Variants in SPATA31A1 observed in about 807,000 individuals in gnomAD.
SPATA31A1 encodes spermatogenesis-associated protein 31A1.
For synonymous variants in SPATA31A1, 194 were observed against 573.4 expected (o/e 0.34, Z 9.45); for missense variants, 579 against 1,476.3 (o/e 0.39, Z 9.96).
chr9:39,361,112 C>T lies in SPATA31A1; in HGVS notation c.3347C>T (p.Pro1116Leu). 1.9e-6 allele frequency: 3 copies of T among 1,611,140 alleles called. No homozygotes were observed. The highest frequency in any genetic ancestry group is 2.5e-6 in the Non-Finnish European group (3 of 1,179,702). Residue 1116 changes from proline to leucine, a missense_variant, in exon 4 of 4, where the codon CCC becomes CTC. Coordinates refer to ENST00000377647, the MANE Select transcript of SPATA31A1 (RefSeq NM_001085452.4). ...PIHKSEKSRK[P>L]NLEKHEERLE... ...CACAAGAGTGAGAAGTCTAGGAAGC[C>T]CAACTTAGAAAAACATGAAGAAAGG... is the stretch of plus-strand genomic sequence containing the variant.
In SPATA31A1 at chr9:39,360,569, C is replaced by T. The variant is rs1404309393; in HGVS notation, c.2804C>T (p.Thr935Ile). ...KPLTYSLTGS[T>I]QQSRSLGAQS... ...CTCACGTACAGCCTCACAGGCAGCA[C>T]CCAGCAGAGCAGGAGCTTAGGAGCC... The change falls in exon 4 of 4, where the codon ACC becomes ATC. Residue 935 changes from threonine (T) to isoleucine (I), a missense_variant. By Grantham distance (89) the Thr-to-Ile change is moderately conservative. Transcript: ENST00000377647. The T allele has an allele frequency of 5.1e-4, 811 of 1,589,584 alleles. 1 individual carries two copies. Among genetic ancestry groups the T allele is most frequent in the South Asian group, 4.7e-3 (394 of 84,086 alleles).
At chr9:39,357,649 G>C (rs569877711) in intron 2 of SPATA31A1, 109 bp from the exon 3 acceptor site, 77,705 of 1,580,682 alleles carry the variant, frequency 0.049, 2,461 homozygotes, top group Non-Finnish European at 0.058. Flanking sequence ...AGATGGGTGG[G>C]GCCCAGGGTC....
chr9:39,358,664 A>T lies in SPATA31A1; in HGVS notation c.899A>T (p.Asp300Val). Residue 300 changes from aspartate (D) to valine (V), a missense_variant, in exon 4 of 4, where the codon GAT becomes GTT. Transcript: ENST00000377647. ...GCCTTTAACTCATCAGTCCAGCAAG[A>T]TCATCTTTCCCGCCACCCACCAGAG... ...SCAFNSSVQQDHLSRHPPETY... is the reference protein window; with the variant it reads ...SCAFNSSVQQVHLSRHPPETY... The T allele has an allele frequency of 1.9e-6, 3 of 1,608,150 alleles. No homozygotes were observed. The highest frequency in any genetic ancestry group is 1.7e-6 in the Non-Finnish European group (2 of 1,179,716).
intron 3 of SPATA31A1, 103 bp downstream of exon 3, chr9:39,357,921 A>C: frequency 1.3e-6 from 2 of 1,569,916 alleles, no homozygotes; most frequent in South Asian, 2.3e-5. Context: ...GACCAGGGGT[A>C]CAGAGGATGG....
At position 39,361,086 on chromosome 9, in the gene SPATA31A1, T is replaced by C. The variant is rs373235625; in HGVS notation, c.3321T>C (p.Ile1107=). The stretch of plus-strand genomic sequence containing the variant: ...ACCAAAGGCCAATGTTTCCCCCTAT[T>C]CACAAGAGTGAGAAGTCTAGGAAGC... ...CKNQRPMFPP[I]HKSEKSRKPN... Residue 1107 remains isoleucine, a synonymous_variant, in exon 4 of 4, where the codon ATT becomes ATC. Coordinates refer to ENST00000377647, the MANE Select transcript of SPATA31A1 (RefSeq NM_001085452.4). 1.2e-5 allele frequency: 20 copies of C among 1,611,226 alleles called. No individual in the cohort carries two copies. The African/African-American group carries it at 2.7e-4, about 22-fold the overall frequency.
Position 39,357,614 on chromosome 9 carries a change from G to T in SPATA31A1, c.248-144G>T. On this transcript the variant is annotated intron_variant, in intron 2 of 3. Transcript: ENST00000377647. ...CTGTCCTCCATGCATTGCTATTAAC[G>T]TCGGGGTCATGTGGCTTTGGACACA... The T allele has an allele frequency of 2.0e-6, 3 of 1,520,850 alleles. No individual in the cohort carries two copies. The South Asian group carries it at 3.4e-5, about 17-fold the overall frequency. The allele number at this position is 1,520,850 out of a possible 1,614,324, so 94.2% of individuals were successfully genotyped here. A position where few individuals can be genotyped will look rare whatever the true frequency, so the allele number is the denominator to read the frequency against.
rs1288401981 is a variant in SPATA31A1, at chr9:39,361,309, C to G, written c.3544C>G (p.Pro1182Ala). ...GATTTTTTCAAAGAAAAAAAGCAAG[C>G]CAGCACCAGTCACTGCTGAGAGCCA... Reference protein sequence around the residue: ...QWIFSKKKSKPAPVTAESQKT... With the variant: ...QWIFSKKKSKAAPVTAESQKT... The change falls in exon 4 of 4, where the codon CCA becomes GCA. Residue 1182 changes from proline to alanine, a missense_variant. Coordinates refer to ENST00000377647, the MANE Select transcript of SPATA31A1 (RefSeq NM_001085452.4). 1 of 1,613,218 alleles carries G rather than the reference C, an allele frequency of 6.2e-7. No individual in the cohort carries two copies. The highest frequency in any genetic ancestry group is 8.5e-7 in the Non-Finnish European group (1 of 1,179,830).
At chr9:39,357,946 G>T (rs1823368815) in intron 3 of SPATA31A1, 128 bp downstream of exon 3, 3 of 1,597,680 alleles carry the variant, frequency 1.9e-6, no homozygotes, top group African/African-American at 2.7e-5. Context: ...AAAACCCTGG[G>T]GCGAGGGGTA....
chr9:39,359,308 C>G lies in SPATA31A1; in HGVS notation c.1543C>G (p.Pro515Ala). The G allele has an allele frequency of 1.9e-6, 3 of 1,605,862 alleles. No individual in the cohort carries two copies. Among genetic ancestry groups the G allele is most frequent in the Non-Finnish European group, 2.5e-6 (3 of 1,176,966 alleles). The part of the protein sequence containing the change: ...SSFPVLSPAF[P>A]SLIKNTGVAC... ...TTTCCCAGTCCTATCTCCTGCTTTT[C>G]CATCCCTGATTAAGAACACTGGAGT... The change falls in exon 4 of 4, where the codon CCA becomes GCA. Residue 515 changes from proline to alanine, a missense_variant. Transcript: ENST00000377647.
At chr9:39,357,613 C>G in intron 2 of SPATA31A1, 145 bp from the exon 3 acceptor site, 2 of 1,513,326 alleles carry the variant, frequency 1.3e-6, no homozygotes, top group Non-Finnish European at 1.8e-6. Context: ...TTGCTATTAA[C>G]GTCGGGGTCA....
At position 39,359,190 on chromosome 9, in the gene SPATA31A1, G is replaced by A. The variant is rs1326705951; in HGVS notation, c.1425G>A (p.Leu475=). The part of the protein sequence containing the change: ...LLFQAQPPSH[L]GPECQPFISS... Reference sequence around the variant, plus strand: ...TCCAGGCCCAGCCCCCGTCCCATCTGGGGCCCGAGTGCCAACCCTTTATTT... The same window carrying A: ...TCCAGGCCCAGCCCCCGTCCCATCTAGGGCCCGAGTGCCAACCCTTTATTT... The change falls in exon 4 of 4, where the codon CTG becomes CTA. Residue 475 remains leucine (L), a synonymous_variant. Coordinates refer to ENST00000377647, the MANE Select transcript of SPATA31A1 (RefSeq NM_001085452.4). The A allele has an allele frequency of 1.2e-5, 19 of 1,611,716 alleles. No homozygotes were observed. The East Asian group carries it at 2.2e-4, about 19-fold the overall frequency.
At position 39,359,148 on chromosome 9, in the gene SPATA31A1, A is replaced by G; in HGVS notation, c.1383A>G (p.Thr461=). Residue 461 remains threonine, a synonymous_variant, in exon 4 of 4, where the codon ACA becomes ACG. Transcript: ENST00000377647. The part of the protein sequence containing the change: ...SNVCPIQRET[T]MSPLLFQAQP... ...TCTGCCCAATTCAAAGGGAGACTAC[A>G]ATGTCCCCACTGCTTTTCCAGGCCC... The G allele has an allele frequency of 6.2e-7, 1 of 1,611,564 alleles. No homozygotes were observed. The highest frequency in any genetic ancestry group is 8.5e-7 in the Non-Finnish European group (1 of 1,179,828).
In SPATA31A1 at chr9:39,361,762, C is replaced by A. The variant is rs1403833273; in HGVS notation, c.3997C>A (p.His1333Asn). The change falls in exon 4 of 4, where the codon CAC becomes AAC. Residue 1333 changes from histidine to asparagine, a missense_variant. Coordinates refer to ENST00000377647, the MANE Select transcript of SPATA31A1 (RefSeq NM_001085452.4). ...HWPKTSGASS[H>N]HHHCPRHCLL... Reference sequence around the variant, plus strand: ...GCCGAAGACATCCGGTGCCTCTAGCCACCATCACCACTGTCCAAGGCACTG... The same window carrying A: ...GCCGAAGACATCCGGTGCCTCTAGCAACCATCACCACTGTCCAAGGCACTG... 6.2e-7 allele frequency: 1 copy of A among 1,612,186 alleles called. No individual in the cohort carries two copies. The highest frequency in any genetic ancestry group is 8.5e-7 in the Non-Finnish European group (1 of 1,179,806).
In SPATA31A1 at chr9:39,361,733, A is replaced by G. The variant is rs1823474223; in HGVS notation, c.3968A>G (p.His1323Arg). 1 of 1,612,366 alleles carries G rather than the reference A, an allele frequency of 6.2e-7. No individual in the cohort carries two copies. Among genetic ancestry groups the G allele is most frequent in the African/African-American group, 1.3e-5 (1 of 74,588 alleles). The change falls in exon 4 of 4, where the codon CAC (histidine) becomes CGC (arginine). Residue 1323 changes from histidine (H) to arginine (R), a missense_variant. Coordinates refer to ENST00000377647, the MANE Select transcript of SPATA31A1 (RefSeq NM_001085452.4). ...GTATCCCCAGTCAGTCCCCTTCAGC[A>G]CTGGCCGAAGACATCCGGTGCCTCT... is the stretch of plus-strand genomic sequence containing the variant. The part of the protein sequence containing the change: ...KAVSPVSPLQ[H>R]WPKTSGASSH...
chr9:39,361,740 G>A lies in SPATA31A1; in HGVS notation c.3975G>A (p.Pro1325=), dbSNP rs1488405066. The stretch of plus-strand genomic sequence containing the variant: ...CAGTCAGTCCCCTTCAGCACTGGCC[G>A]AAGACATCCGGTGCCTCTAGCCACC... ...VSPVSPLQHW[P]KTSGASSHHH... Residue 1325 remains proline, a synonymous_variant, in exon 4 of 4, where the codon CCG becomes CCA. Coordinates refer to ENST00000377647, the MANE Select transcript of SPATA31A1 (RefSeq NM_001085452.4). The A allele has an allele frequency of 9.3e-6, 15 of 1,612,368 alleles. No individual in the cohort carries two copies. The highest frequency in any genetic ancestry group is 2.7e-5 in the African/African-American group (2 of 74,594).
Position 39,359,086 on chromosome 9 carries a change from C to T in SPATA31A1, c.1321C>T (p.Gln441Ter). ...GGTAACTGACAGGTCTTATACTTTACAGTCTCCTCCTTTCTTGTTCAATGA... is the reference window on the plus strand; with the variant it reads ...GGTAACTGACAGGTCTTATACTTTATAGTCTCCTCCTTTCTTGTTCAATGA... ...AWVTDRSYTLQSPPFLFNEMS... is the reference protein window; with the variant it reads ...AWVTDRSYTL Residue 441 changes from glutamine (Q) to a stop codon, truncating the protein, a stop_gained, in exon 4 of 4, where the codon CAG (glutamine) becomes TAG (stop). Transcript: ENST00000377647. LOFTEE classifies it low-confidence loss of function (END_TRUNC). The T allele has an allele frequency of 6.2e-6, 10 of 1,609,454 alleles. No individual in the cohort carries two copies. Among genetic ancestry groups the T allele is most frequent in the Non-Finnish European group, 5.9e-6 (7 of 1,179,742 alleles).
rs1823403895 is a variant in SPATA31A1 at position 39,359,309 on chromosome 9, C to T, written c.1544C>T (p.Pro515Leu). ...TTCCCAGTCCTATCTCCTGCTTTTC[C>T]ATCCCTGATTAAGAACACTGGAGTA... ...SSFPVLSPAF[P>L]SLIKNTGVAC... Residue 515 changes from proline (P) to leucine (L), a missense_variant, in exon 4 of 4, where the codon CCA becomes CTA. Physicochemically the swap from Pro to Leu is moderately conservative, Grantham distance 98. Coordinates refer to ENST00000377647, the MANE Select transcript of SPATA31A1 (RefSeq NM_001085452.4). 6 of 1,605,672 alleles carry T rather than the reference C, an allele frequency of 3.7e-6. No homozygotes were observed. The South Asian group carries it at 6.6e-5, about 18-fold the overall frequency.
chr9:39,356,131 TGTGGGGGAGCA>T (rs1433493804), intron 1 of SPATA31A1, among the ~76,000 whole-genome samples: 2 of 10,468 alleles, frequency 1.9e-4, no homozygotes, highest in East Asian at 3.3e-3. Flanking sequence ...TCAGTCCATC[TGTGGGGGAGCA>T]CAGGAGGCAT....
chr9:39,358,121 G>T lies in SPATA31A1; in HGVS notation c.356G>T (p.Gly119Val), dbSNP rs1486936252. 1.9e-6 allele frequency: 3 copies of T among 1,601,342 alleles called. No individual in the cohort carries two copies. The African/African-American group carries it at 4.3e-5, about 23-fold the overall frequency. Residue 119 changes from glycine to valine, a missense_variant, in exon 4 of 4, where the codon GGT becomes GTT. Gly to Val is a moderately radical substitution (Grantham distance 109). Transcript: ENST00000377647. ...AAAGGTGACTTTGGTCAGCTCTCCG[G>T]TCCAGACCCCCCAGGTGAAGTGGGC... is the stretch of plus-strand genomic sequence containing the variant. ...LDKGDFGQLS[G>V]PDPPGEVGER... is the part of the protein sequence containing the mutation.
Sources: allele counts gnomAD v4.1 joint callset (sites outside exome capture counted in the v4.1 genomes callset), GRCh38; gene constraint gnomAD v4.1.1; transcripts MANE v1.5; gene names NCBI Gene and HGNC (gene_info 2026-07-23, HGNC 2026-07-21).